TNFSF18: variants seen among roughly 807,000 people sequenced by gnomAD.
TNFSF18 encodes tumor necrosis factor ligand superfamily member 18.
A neutral mutation model predicts 9.6 loss-of-function variants in TNFSF18; 6 were observed. That is an observed-to-expected ratio of 0.63 (90% CI 0.34 to 1.24). The LOEUF is 1.24. Among genes scored for constraint, TNFSF18 ranks in the 50% most tolerant of loss-of-function variants. The probability of loss-of-function intolerance (pLI) is 0.03; values close to 1 mark genes in which losing one functional copy is unlikely to be tolerated. For synonymous variants in TNFSF18, 68 were observed against 71.7 expected (o/e 0.95, Z 0.26); for missense variants, 210 against 201.0 (o/e 1.04, Z -0.27).
rs759689694 is a variant in TNFSF18 at position 173,048,171 on chromosome 1, T to G, written c.156+2570A>C. Among the ~76,000 whole-genome samples the G allele has an allele frequency of 6.6e-4, 101 of 152,262 alleles. 1 individual carries two copies. The highest frequency in any genetic ancestry group is 1.7e-3 in the South Asian group (8 of 4,822). On this transcript the variant is annotated intron_variant, in intron 1 of 2. Coordinates refer to ENST00000404377, the MANE Select transcript of TNFSF18 (RefSeq NM_005092.4). ...GCAAGAATGAGATCTACACCCAGCC[T>G]GTCTGGGTCAACACTCTCACCTCTA...
At chr1:173,049,199 C>T (rs1244393392) in intron 1 of TNFSF18, among the ~76,000 whole-genome samples, 1 of 152,154 alleles carries the variant, frequency 6.6e-6, no homozygotes, top group Non-Finnish European at 1.5e-5. Flanking sequence ...TTTCCCTTTG[C>T]AAGAACTGCT....
rs183503690 is a variant in TNFSF18 at position 173,045,514 on chromosome 1, A to G, written c.157-1545T>C. Among the ~76,000 whole-genome samples the G allele has an allele frequency of 2.4e-4, 36 of 152,260 alleles. No individual in the cohort carries two copies. The East Asian group carries it at 6.9e-3, about 29-fold the overall frequency. ...TTCTGTGATATGTGAAGAGGGCAGA[A>G]GCTTAGTTAAAATAAATTTAAGGGT... is the stretch of plus-strand genomic sequence containing the variant. On this transcript the variant is annotated intron_variant, in intron 1 of 2. Transcript: ENST00000404377.
intron 1 of TNFSF18, among the ~76,000 whole-genome samples, chr1:173,044,531 G>A (rs149911898): frequency 7.9e-5 from 12 of 152,154 alleles, no homozygotes; most frequent in African/African-American, 2.9e-4. Flanking sequence ...TGCAATGTAC[G>A]GCAGTTCACA....
At position 173,039,888 on chromosome 1, in the gene TNFSF18, A is replaced by T. The variant is rs1374116896; in HGVS notation, c.*1479T>A. ...TTTTAAAAAGTCATACTAAGAAACAACTTGGCCTCAGGCTTAGCATGCTCC... is the reference window on the plus strand; with the variant it reads ...TTTTAAAAAGTCATACTAAGAAACATCTTGGCCTCAGGCTTAGCATGCTCC... On this transcript the variant is annotated 3_prime_UTR_variant, in exon 3 of 3. Transcript: ENST00000404377. 1 of 151,942 alleles carries T rather than the reference A, an allele frequency of 6.6e-6. No homozygotes were observed. The highest frequency in any genetic ancestry group is 1.5e-5 in the Non-Finnish European group (1 of 67,992). 9.4% of individuals were successfully genotyped at this position (151,942 alleles called of 1,614,324 possible).
rs1015174087 is a variant in TNFSF18, at chr1:173,041,817, T to C, written c.188-104A>G. The C allele has an allele frequency of 6.2e-5, 61 of 978,892 alleles. No homozygotes were observed. In the Admixed American group the frequency reaches 1.8e-3, roughly 28 times the overall value. 60.6% of individuals were successfully genotyped at this position (978,892 alleles called of 1,614,324 possible). A position where few individuals can be genotyped will look rare whatever the true frequency, so the allele number is the denominator to read the frequency against. ...TTATTTACCACATACATGTTGTTTC[T>C]TTACCTGATCTACACTAGTTCTCTT... On this transcript the variant is annotated intron_variant, in intron 2 of 2. Coordinates refer to ENST00000404377, the MANE Select transcript of TNFSF18 (RefSeq NM_005092.4).
chr1:173,047,867 T>C (rs1349198907), intron 1 of TNFSF18, among the ~76,000 whole-genome samples: 5 of 152,170 alleles, frequency 3.3e-5, no homozygotes, highest in Non-Finnish European at 2.9e-5. Flanking sequence ...AATTTGGCTC[T>C]GAGATATAGT....
intron 1 of TNFSF18, among the ~76,000 whole-genome samples, chr1:173,046,305 T>A (rs892779500): frequency 5.9e-5 from 9 of 152,054 alleles, no homozygotes; most frequent in Admixed American, 5.9e-4. Flanking sequence ...AAGCTATAGA[T>A]CTTGGAATTT....
At position 173,039,252 on chromosome 1, in the gene TNFSF18, G is replaced by A. The variant is rs1287081787; in HGVS notation, c.*2115C>T. Among the ~76,000 whole-genome samples the A allele has an allele frequency of 6.6e-6, 1 of 152,144 alleles. No individual in the cohort carries two copies. Among genetic ancestry groups the A allele is most frequent in the Non-Finnish European group, 1.5e-5 (1 of 68,036 alleles). ...GATTTAAAATGCAGACTACTATGTG[G>A]AGAAACAGGAAAACAGTATACATTG... On this transcript the variant is annotated 3_prime_UTR_variant, in exon 3 of 3. Transcript: ENST00000404377.
chr1:173,048,191 C>A (rs553502553), intron 1 of TNFSF18, among the ~76,000 whole-genome samples: 154 of 152,248 alleles, frequency 1.0e-3, no homozygotes, highest in African/African-American at 3.5e-3. Context: ...AACACTCTCA[C>A]CTCTACCACT....
At chr1:173,042,717 C>T (rs1009249573) in intron 2 of TNFSF18, among the ~76,000 whole-genome samples, 3 of 152,142 alleles carry the variant, frequency 2.0e-5, no homozygotes, top group Middle Eastern at 3.4e-3. Flanking sequence ...CTCACAGCCC[C>T]GGGAGGTGCT....
intron 1 of TNFSF18, among the ~76,000 whole-genome samples, chr1:173,048,086 T>C (rs1219682897): frequency 6.6e-6 from 1 of 151,890 alleles, no homozygotes; most frequent in African/African-American, 2.4e-5. Context: ...ATTTTGCAGA[T>C]GAGGAAATGA....
rs562779540 is a variant in TNFSF18, at chr1:173,039,739, T to TAC, written c.*1626_*1627dup. Among the ~76,000 whole-genome samples, 7,138 of 146,436 alleles carry TAC rather than the reference T, an allele frequency of 0.049. 199 individuals carry two copies. Among genetic ancestry groups the TAC allele is most frequent in the Admixed American group, 0.058 (851 of 14,606 alleles). On this transcript the variant is annotated 3_prime_UTR_variant, in exon 3 of 3. Transcript: ENST00000404377. ...ATACATATATATACACACACACATA[T>TAC]ACACACACACACACACACACACACA... is the stretch of plus-strand genomic sequence containing the variant.
In TNFSF18 at chr1:173,041,672, G is replaced by A. The variant is rs1557844570; in HGVS notation, c.229C>T (p.Pro77Ser). ...SKWQMASSEPPCVNKVSDWKL... is the reference protein window; with the variant it reads ...SKWQMASSEPSCVNKVSDWKL... ...CAGTCAGACACCTTATTCACGCAAG[G>A]AGGTTCAGAAGATGCCATTTGCCAT... The change falls in exon 3 of 3, where the codon CCT becomes TCT. Residue 77 changes from proline to serine, a missense_variant. Transcript: ENST00000404377. 1 of 1,612,526 alleles carries A rather than the reference G, an allele frequency of 6.2e-7. No individual in the cohort carries two copies. The highest frequency in any genetic ancestry group is 8.5e-7 in the Non-Finnish European group (1 of 1,179,170).
rs570769908 is a variant in TNFSF18 at position 173,039,354 on chromosome 1, T to C, written c.*2013A>G. On this transcript the variant is annotated 3_prime_UTR_variant, in exon 3 of 3. Transcript: ENST00000404377. The stretch of plus-strand genomic sequence containing the variant: ...GTAGTCATCCCTCTAGCTGCAGCTG[T>C]AGTAACCTCTGCTTGCCCTGAGAAA... Among the ~76,000 whole-genome samples the C allele has an allele frequency of 1.8e-4, 27 of 152,276 alleles. No individual in the cohort carries two copies. The highest frequency in any genetic ancestry group is 2.0e-4 in the Admixed American group (3 of 15,282).
At chr1:173,044,523 C>G (rs928866815) in intron 1 of TNFSF18, among the ~76,000 whole-genome samples, 1 of 152,176 alleles carries the variant, frequency 6.6e-6, no homozygotes, top group African/African-American at 2.4e-5. Flanking sequence ...CAGACTACTG[C>G]AATGTACGGC....
In TNFSF18 at chr1:173,040,792, G is replaced by C. The variant is rs1664976678; in HGVS notation, c.*575C>G. On this transcript the variant is annotated 3_prime_UTR_variant, in exon 3 of 3. Transcript: ENST00000404377. ...AAGATAAAACCAAGAGAAATTTCCA[G>C]ATAGCGTACATTCCATTTTATGCCA... The C allele has an allele frequency of 6.6e-6, 1 of 152,160 alleles. No individual in the cohort carries two copies. Among genetic ancestry groups the C allele is most frequent in the African/African-American group, 2.4e-5 (1 of 41,418 alleles). 9.4% of individuals were successfully genotyped at this position (152,160 alleles called of 1,614,324 possible). A position where few individuals can be genotyped will look rare whatever the true frequency, so the allele number is the denominator to read the frequency against.
At chr1:173,047,910 G>A (rs1217176160) in intron 1 of TNFSF18, among the ~76,000 whole-genome samples, 1 of 152,112 alleles carries the variant, frequency 6.6e-6, no homozygotes, top group Non-Finnish European at 1.5e-5. Flanking sequence ...GGTAGGCAAA[G>A]ACTATCCATA....
chr1:173,041,252 T>G lies in TNFSF18; in HGVS notation c.*115A>C. The G allele has an allele frequency of 3.5e-6, 3 of 846,568 alleles. No homozygotes were observed. The highest frequency in any genetic ancestry group is 5.4e-6 in the Non-Finnish European group (3 of 550,964). The allele number at this position is 846,568 out of a possible 1,614,324, so 52.4% of individuals were successfully genotyped here. A position where few individuals can be genotyped will look rare whatever the true frequency, so the allele number is the denominator to read the frequency against. On this transcript the variant is annotated 3_prime_UTR_variant, in exon 3 of 3. Transcript: ENST00000404377. ...AAAATTCACGTGCAGAGGAGTTCTG[T>G]TTGTGTTGATTTTTGTAGACAGACA...
rs189204089 is a variant in TNFSF18, at chr1:173,041,526, T to C, written c.375A>G (p.Gln125=). Residue 125 remains glutamine, a synonymous_variant, in exon 3 of 3, where the codon CAA becomes CAG. Transcript: ENST00000404377. Reference sequence around the variant, plus strand: ...GGATTTTAGATTTGTTTGTTAGAGTTTGTATCATGTCTTTGTTTTTATACA... The same window carrying C: ...GGATTTTAGATTTGTTTGTTAGAGTCTGTATCATGTCTTTGTTTTTATACA... The part of the protein sequence containing the change: ...VRLYKNKDMI[Q]TLTNKSKIQN... 10 of 1,613,546 alleles carry C rather than the reference T, an allele frequency of 6.2e-6. No individual in the cohort carries two copies. In the East Asian group the frequency reaches 2.0e-4, roughly 32 times the overall value.
Sources: allele counts gnomAD v4.1 joint callset (sites outside exome capture counted in the v4.1 genomes callset), GRCh38; gene constraint gnomAD v4.1.1; transcripts MANE v1.5; gene names NCBI Gene and HGNC (gene_info 2026-07-23, HGNC 2026-07-21).